Variants in OTOGL observed in about 807,000 individuals in gnomAD.
OTOGL encodes the protein otogelin like.
Under a neutral mutation model 318.5 loss-of-function variants are expected in OTOGL, and 285 were observed. The ratio of observed to expected loss-of-function variants is 0.89; its 90% CI spans 0.81 to 0.99. The LOEUF (loss-of-function observed/expected upper bound fraction) is 0.99, where lower values mean the gene tolerates loss of function less well. Ranked by LOEUF, OTOGL falls within the 50% of genes least tolerant of loss-of-function variation. OTOGL has a pLI of 0.00. For missense variants in OTOGL, 2,899 were observed against 2,845.6 expected, an observed-to-expected ratio of 1.02 and a Z score of -0.43; for synonymous variants, 987 against 936.5, an observed-to-expected ratio of 1.05 and a Z score of -0.99.
At chr12:80,341,036 G>C (rs1306612311) in intron 43 of OTOGL, among the ~76,000 whole-genome samples, 2 of 151,212 alleles carry the variant, frequency 1.3e-5, no homozygotes, top group Non-Finnish European at 2.9e-5. Flanking sequence ...ATCTCCTTGG[G>C]AATTAAGATT....
In OTOGL at chr12:80,211,097, C is replaced by G. The variant is rs549060075; in HGVS notation, c.119+211C>G. Among the ~76,000 whole-genome samples, 13 of 152,132 alleles carry G rather than the reference C, an allele frequency of 8.5e-5. No individual in the cohort carries two copies. In the South Asian group the frequency reaches 2.5e-3, roughly 29 times the overall value. Reference sequence around the variant, plus strand: ...AAAATATTTCCTTTCCTTTTAATTACAAAGTATTTCTTTTCCTTTTAATTA... The same window carrying G: ...AAAATATTTCCTTTCCTTTTAATTAGAAAGTATTTCTTTTCCTTTTAATTA... On this transcript the variant is annotated intron_variant, in intron 3 of 58. Coordinates refer to ENST00000547103, the MANE Select transcript of OTOGL (RefSeq NM_001378609.3).
At chr12:80,137,874 T>C (rs559778458) in intron 1 of OTOGL, among the ~76,000 whole-genome samples, 4 of 152,240 alleles carry the variant, frequency 2.6e-5, no homozygotes, top group South Asian at 4.1e-4. Flanking sequence ...TTCACGTTGA[T>C]AAAAATGGAG....
intron 1 of OTOGL, among the ~76,000 whole-genome samples, chr12:80,204,110 G>A (rs1420065202): frequency 6.6e-6 from 1 of 152,148 alleles, no homozygotes; most frequent in African/African-American, 2.4e-5. Context: ...TATGGGAAGA[G>A]GTCATGTCAA....
chr12:80,316,631 A>T (rs1167933934), intron 32 of OTOGL, among the ~76,000 whole-genome samples: 1 of 152,180 alleles, frequency 6.6e-6, no homozygotes, highest in African/African-American at 2.4e-5. Context: ...GGCTCCATGG[A>T]GTGGCAGGCA....
At chr12:80,337,070 C>A in intron 42 of OTOGL, 66 bp downstream of exon 42, 3 of 1,196,840 alleles carry the variant, frequency 2.5e-6, no homozygotes, top group South Asian at 2.8e-5. Context: ...ACAGTTATTT[C>A]CAATAAGAGG....
At chr12:80,160,994 C>T (rs1026747943) in intron 1 of OTOGL, among the ~76,000 whole-genome samples, 1 of 152,028 alleles carries the variant, frequency 6.6e-6, no homozygotes, top group Non-Finnish European at 1.5e-5. Context: ...AAAAACCAAA[C>T]ATTGTGTGCT....
intron 11 of OTOGL, among the ~76,000 whole-genome samples, chr12:80,249,589 A>C (rs1001282903): frequency 7.2e-5 from 11 of 152,062 alleles, no homozygotes; most frequent in Non-Finnish European, 1.2e-4. Flanking sequence ...AGGGACATTT[A>C]AGTCTGCAGA....
chr12:80,327,581 A>T (rs560143299), intron 35 of OTOGL, among the ~76,000 whole-genome samples: 2 of 151,972 alleles, frequency 1.3e-5, no homozygotes, highest in African/African-American at 4.8e-5. Context: ...GCCACTGAAG[A>T]TTCTGTATTT....
intron 1 of OTOGL, among the ~76,000 whole-genome samples, chr12:80,159,834 A>G (rs1050811518): frequency 2.0e-5 from 3 of 152,176 alleles, no homozygotes; most frequent in Non-Finnish European, 4.4e-5. Context: ...ACATCACATT[A>G]CCTGACTTCA....
Position 80,253,573 on chromosome 12 carries a change from T to C in OTOGL, c.1393T>C (p.Cys465Arg), listed in dbSNP as rs757169828. 10 of 1,598,922 alleles carry C rather than the reference T, an allele frequency of 6.3e-6. No individual in the cohort carries two copies. The highest frequency in any genetic ancestry group is 1.7e-5 in the Admixed American group (1 of 59,844). ...AAAAATTGAACAAGAATGTACTGAATGGTATGTGATCAGTGTGCAGCCAAT... is the reference window on the plus strand; with the variant it reads ...AAAAATTGAACAAGAATGTACTGAACGGTATGTGATCAGTGTGCAGCCAAT... ...GSKIEQECTE[C>R]VCVGGVWNCT... The change falls in exon 14 of 59, where the codon TGT becomes CGT. Residue 465 changes from cysteine to arginine, a missense_variant and splice_region_variant. Coordinates refer to ENST00000547103, the MANE Select transcript of OTOGL (RefSeq NM_001378609.3).
chr12:80,113,457 T>C (rs1869971378), intron 1 of OTOGL, among the ~76,000 whole-genome samples: 1 of 152,156 alleles, frequency 6.6e-6, no homozygotes, highest in Non-Finnish European at 1.5e-5. Flanking sequence ...TTGTGTCTTT[T>C]TTCTCATTGG....
chr12:80,307,530 C>T (rs1886235758), intron 29 of OTOGL, among the ~76,000 whole-genome samples: 1 of 147,286 alleles, frequency 6.8e-6, no homozygotes. Flanking sequence ...AGGCGCCCCT[C>T]ACCTCCGGGA....
chr12:80,289,628 C>T (rs1884891055), intron 26 of OTOGL, among the ~76,000 whole-genome samples: 1 of 152,334 alleles, frequency 6.6e-6, no homozygotes, highest in South Asian at 2.1e-4. Flanking sequence ...AGTCTGGCCA[C>T]AGCCACTTTG....
Position 80,209,510 on chromosome 12 carries a change from G to T in OTOGL, c.79G>T (p.Glu27Ter), listed in dbSNP as rs1877077362. The change falls in exon 2 of 59, where the codon GAA becomes TAA. Residue 27 changes from glutamate (E) to a stop codon, truncating the protein, a stop_gained and splice_region_variant. Coordinates refer to ENST00000547103, the MANE Select transcript of OTOGL (RefSeq NM_001378609.3). LOFTEE classifies it high-confidence loss of function. ...LLHVLLFSLQ[E>*]YICASSILMG... ...TCATGTACTGCTGTTTTCATTACAA[G>T]GTAAGAACTCAGATTAAATTTTTAT... 1.4e-6 allele frequency: 2 copies of T among 1,459,158 alleles called. No homozygotes were observed. The highest frequency in any genetic ancestry group is 1.8e-6 in the Non-Finnish European group (2 of 1,083,322). The allele number at this position is 1,459,158 out of a possible 1,614,324, so 90.4% of individuals were successfully genotyped here. A position where few individuals can be genotyped will look rare whatever the true frequency, so the allele number is the denominator to read the frequency against.
At chr12:80,178,061 C>CTTTTTTTTTTTTTTTTT (rs71094968) in intron 1 of OTOGL, among the ~76,000 whole-genome samples, 18 of 74,918 alleles carry the variant, frequency 2.4e-4, no homozygotes, top group Non-Finnish European at 2.8e-4. Context: ...TTCTTTCTTT[C>CTTTTTTTTTTTTTTTTT]TTTTTTTTTT....
At chr12:80,229,206 T>G in intron 7 of OTOGL, 51 bp from the exon 8 acceptor site, 2 of 1,556,582 alleles carry the variant, frequency 1.3e-6, no homozygotes, top group South Asian at 2.2e-5. Flanking sequence ...TTTTAATAAC[T>G]CAGATTTATT....
chr12:80,338,940 C>T, intron 42 of OTOGL, 135 bp from the exon 43 acceptor site: 1 of 713,190 alleles, frequency 1.4e-6, no homozygotes. Flanking sequence ...GAAGCTGTGG[C>T]AGCAGTAAGA....
intron 1 of OTOGL, among the ~76,000 whole-genome samples, chr12:80,118,403 G>A (rs1489578302): frequency 6.6e-6 from 1 of 152,148 alleles, no homozygotes; most frequent in African/African-American, 2.4e-5. Flanking sequence ...ATCTCACAGC[G>A]CTAGGAGGGG....
rs1323573789 is a variant in OTOGL, at chr12:80,253,467, C to T, written c.1287C>T (p.Gly429=). The T allele has an allele frequency of 6.2e-7, 1 of 1,609,712 alleles. No individual in the cohort carries two copies. Among genetic ancestry groups the T allele is most frequent in the Non-Finnish European group, 8.5e-7 (1 of 1,176,270 alleles). The change falls in exon 14 of 59, where the codon GGC becomes GGT. Residue 429 remains glycine, a splice_region_variant and synonymous_variant. Coordinates refer to ENST00000547103, the MANE Select transcript of OTOGL (RefSeq NM_001378609.3). ...HCLDGCYCPD[G]LVMDNGTCIS... ...TGATGTGTATTTCTTCTCAATTAGG[C>T]CTCGTAATGGACAATGGGACTTGCA...
Sources: allele counts gnomAD v4.1 joint callset (sites outside exome capture counted in the v4.1 genomes callset), GRCh38; gene constraint gnomAD v4.1.1; transcripts MANE v1.5; gene names NCBI Gene and HGNC (gene_info 2026-07-23, HGNC 2026-07-21).